The following KCND3 variants were observed in gnomAD, a reference collection of about 807,000 sequenced individuals.
The protein encoded by KCND3 is potassium voltage-gated channel subfamily D member 3.
KCND3 carries 9 observed loss-of-function variants against 51.1 expected under a neutral mutation model. The observed-to-expected ratio is 0.18, with a 90% CI of 0.11 to 0.31. KCND3 has a LOEUF of 0.31. KCND3 is among the 10% of genes least tolerant of loss of function. The pLI is 1.00. For missense variants in KCND3, 526 were observed against 903.8 expected (o/e 0.58, Z 5.36); for synonymous variants, 349 against 368.0 (o/e 0.95, Z 0.59).
At chr1:111,904,183 G>A (rs1262759356) in intron 2 of KCND3, among the ~76,000 whole-genome samples, 5 of 151,648 alleles carry the variant, frequency 3.3e-5, no homozygotes, top group African/African-American at 1.2e-4. Context: ...TCCCGCCAAA[G>A]GGACATTACT....
rs1196550099 is a variant in KCND3, at chr1:111,780,878, C to T, written c.1270-87G>A. The T allele has an allele frequency of 8.6e-6, 9 of 1,051,312 alleles. No individual in the cohort carries two copies. The highest frequency in any genetic ancestry group is 1.3e-5 in the Non-Finnish European group (9 of 696,538). The allele number at this position is 1,051,312 out of a possible 1,614,324, so 65.1% of individuals were successfully genotyped here. On this transcript the variant is annotated intron_variant, in intron 3 of 7. Transcript: ENST00000302127. The surrounding 1 kb of genome is among the most constrained non-coding windows in gnomAD (Gnocchi z 4.2). The stretch of plus-strand genomic sequence containing the variant: ...TGGTGAAGCTGTGAGGCTGGCTTCC[C>T]AGGTGACACCTGATGAAGGGGATGA...
intron 3 of KCND3, among the ~76,000 whole-genome samples, chr1:111,785,171 T>C (rs1664553383): frequency 6.6e-6 from 1 of 152,216 alleles, no homozygotes; most frequent in African/African-American, 2.4e-5. Flanking sequence ...GTGTGTGAGC[T>C]GAGGATTCCT....
At chr1:111,861,014 T>C (rs1217658248) in intron 2 of KCND3, among the ~76,000 whole-genome samples, 3 of 151,960 alleles carry the variant, frequency 2.0e-5, no homozygotes, top group Non-Finnish European at 2.9e-5. Context: ...CCTCTCACCA[T>C]CTCCCATTTC....
chr1:111,818,582 C>T (rs1375646226), intron 2 of KCND3, among the ~76,000 whole-genome samples: 2 of 152,226 alleles, frequency 1.3e-5, no homozygotes, highest in Non-Finnish European at 2.9e-5. Context: ...AGAGACCAGG[C>T]AATGAATCCC....
rs189903046 is a variant in KCND3 at position 111,804,378 on chromosome 1, C to A, written c.1107-17272G>T. On this transcript the variant is annotated intron_variant, in intron 2 of 7. Coordinates refer to ENST00000302127, the MANE Select transcript of KCND3 (RefSeq NM_001378969.1). ...GACCCATCTGTCAGCCTTCCCCACA[C>A]CCTGTTGCGACTGCACGCATTTTAT... Among the ~76,000 whole-genome samples, 221 of 152,342 alleles carry A rather than the reference C, an allele frequency of 1.5e-3. 1 individual carries two copies. Among genetic ancestry groups the A allele is most frequent in the Admixed American group, 9.9e-3 (151 of 15,310 alleles).
chr1:111,876,590 A>G (rs1223026508), intron 2 of KCND3, among the ~76,000 whole-genome samples: 2 of 152,262 alleles, frequency 1.3e-5, no homozygotes, highest in African/African-American at 2.4e-5. Context: ...AGATAAAACC[A>G]GGCAAGTTCA....
intron 2 of KCND3, among the ~76,000 whole-genome samples, chr1:111,848,848 G>A (rs181386623): frequency 3.4e-4 from 52 of 152,328 alleles, no homozygotes; most frequent in Non-Finnish European, 5.6e-4. Context: ...CCAGGGACGC[G>A]GGATGTGCTG....
At chr1:111,800,350 C>T (rs1325726228) in intron 2 of KCND3, among the ~76,000 whole-genome samples, 1 of 89,928 alleles carries the variant, frequency 1.1e-5, no homozygotes, top group Non-Finnish European at 2.2e-5. Flanking sequence ...GCAGCATGCT[C>T]GTTAAGAGTC....
intron 2 of KCND3, among the ~76,000 whole-genome samples, chr1:111,838,462 C>G (rs1667173060): frequency 6.6e-6 from 1 of 152,078 alleles, no homozygotes. Context: ...TCGAGACCAG[C>G]CTGGCCGACA....
At chr1:111,966,667 T>C (rs1674007045) in intron 2 of KCND3, among the ~76,000 whole-genome samples, 1 of 151,966 alleles carries the variant, frequency 6.6e-6, no homozygotes, top group African/African-American at 2.4e-5. Flanking sequence ...TGACACAGAG[T>C]CCCCTAATGA....
chr1:111,827,175 G>A (rs1274434502), intron 2 of KCND3, among the ~76,000 whole-genome samples: 1 of 152,266 alleles, frequency 6.6e-6, no homozygotes, highest in Non-Finnish European at 1.5e-5. Context: ...GTTTGCCTAA[G>A]TGTACAGCAA....
chr1:111,801,828 T>A (rs1665327818), intron 2 of KCND3, among the ~76,000 whole-genome samples: 1 of 152,174 alleles, frequency 6.6e-6, no homozygotes, highest in Admixed American at 6.5e-5. Context: ...AAGTTATCCC[T>A]CTTCCATTAA....
At chr1:111,831,699 G>A (rs1450335732) in intron 2 of KCND3, among the ~76,000 whole-genome samples, 2 of 152,132 alleles carry the variant, frequency 1.3e-5, no homozygotes, top group East Asian at 1.9e-4. Flanking sequence ...GTTCTCAAAT[G>A]TGGATCCACA....
At position 111,965,691 on chromosome 1, in the gene KCND3, A is replaced by G. The variant is rs1259664234; in HGVS notation, c.1106+15930T>C. 2.6e-5 allele frequency among the ~76,000 whole-genome samples: 4 copies of G among 152,050 alleles called. No individual in the cohort carries two copies. The East Asian group carries it at 7.7e-4, about 29-fold the overall frequency. On this transcript the variant is annotated intron_variant, in intron 2 of 7. Coordinates refer to ENST00000302127, the MANE Select transcript of KCND3 (RefSeq NM_001378969.1). ...CTATCTGGATAGGAAATGTCCCCAA[A>G]TTACATATGCCATTCCAAATTTGGG...
In KCND3 at chr1:111,982,212, G is replaced by T. The variant is rs770824295; in HGVS notation, c.515C>A (p.Ala172Asp). The part of the protein sequence containing the change: ...SLSFRQTMWR[A>D]FENPHTSTLA... ...CGTGCTGGTGTGGGGGTTCTCGAAG[G>T]CCCGCCACATGGTCTGGCGGAAGCT... The change falls in exon 2 of 8, where the codon GCC becomes GAC. Residue 172 changes from alanine to aspartate, a missense_variant. Physicochemically the swap from Ala to Asp is moderately radical, Grantham distance 126 (BLOSUM62 -2). Transcript: ENST00000302127. This position sits in a 1 kb window ranked among gnomAD's most constrained non-coding sequence, Gnocchi z 8.5. The T allele has an allele frequency of 1.2e-6, 2 of 1,614,016 alleles. No homozygotes were observed. The highest frequency in any genetic ancestry group is 1.7e-6 in the Non-Finnish European group (2 of 1,180,000).
At chr1:111,829,812 C>G (rs979687254) in intron 2 of KCND3, among the ~76,000 whole-genome samples, 10 of 152,168 alleles carry the variant, frequency 6.6e-5, no homozygotes, top group African/African-American at 1.9e-4. Flanking sequence ...GATTATCCCC[C>G]CCAAATGCTT....
In KCND3 at chr1:111,770,781, AAAG is replaced by A. The variant is rs1460045082; in HGVS notation, c.*5293_*5295del. The A allele has an allele frequency of 6.6e-6, 1 of 150,412 alleles. No individual in the cohort carries two copies. The highest frequency in any genetic ancestry group is 1.5e-5 in the Non-Finnish European group (1 of 67,904). The allele number at this position is 150,412 out of a possible 1,614,324, so 9.3% of individuals were successfully genotyped here. A position where few individuals can be genotyped will look rare whatever the true frequency, so the allele number is the denominator to read the frequency against. On this transcript the variant is annotated 3_prime_UTR_variant, in exon 8 of 8. Transcript: ENST00000302127. ...TTTTAACATATGCACTACAGTTTCA[AAAG>A]AAGACGACAGGAAACTCAAGGGTGT...
chr1:111,902,504 G>A (rs1670434060), intron 2 of KCND3, among the ~76,000 whole-genome samples: 1 of 152,188 alleles, frequency 6.6e-6, no homozygotes, highest in African/African-American at 2.4e-5. Context: ...CCTATGTGGA[G>A]CCAACTTGAT....
intron 2 of KCND3, among the ~76,000 whole-genome samples, chr1:111,935,046 T>C (rs1466869809): frequency 6.6e-6 from 1 of 152,172 alleles, no homozygotes; most frequent in African/African-American, 2.4e-5. Context: ...TCACTGGAGG[T>C]CACCAGACTT....
Sources: allele counts gnomAD v4.1 joint callset (sites outside exome capture counted in the v4.1 genomes callset), GRCh38; gene constraint gnomAD v4.1.1; non-coding constraint Gnocchi (gnomAD v3.1); transcripts MANE v1.5; gene names NCBI Gene and HGNC (gene_info 2026-07-23, HGNC 2026-07-21).